Variants in TRAM2 observed in about 807,000 individuals in gnomAD.
TRAM2 encodes the protein translocating chain-associated membrane protein 2.
In TRAM2, 12 loss-of-function variants were observed where a neutral mutation model predicts 51.0. The ratio of observed to expected loss-of-function variants is 0.24; its 90% CI spans 0.15 to 0.38. The LOEUF is 0.38. TRAM2 is among the 10% of genes least tolerant of loss of function. The pLI, the probability that TRAM2 is intolerant of heterozygous loss-of-function variation, is 1.00. For synonymous variants in TRAM2, 175 were observed against 179.4 expected, an observed-to-expected ratio of 0.98 and a Z score of 0.20; for missense variants, 361 against 462.0, an observed-to-expected ratio of 0.78 and a Z score of 2.00.
chr6:52,560,367 T>C (rs1452838277), intron 1 of TRAM2, among the ~76,000 whole-genome samples: 1 of 152,234 alleles, frequency 6.6e-6, no homozygotes, highest in Non-Finnish European at 1.5e-5. Context: ...TTTCCAGGTG[T>C]TGCCTGTGCA....
intron 2 of TRAM2, among the ~76,000 whole-genome samples, chr6:52,530,674 G>A (rs1766872216): frequency 6.6e-6 from 1 of 152,178 alleles, no homozygotes; most frequent in African/African-American, 2.4e-5. Flanking sequence ...CCAGAAGCCA[G>A]GAGGGAAGCC....
At chr6:52,558,337 C>T (rs568338828) in intron 1 of TRAM2, among the ~76,000 whole-genome samples, 2 of 152,270 alleles carry the variant, frequency 1.3e-5, no homozygotes, top group Admixed American at 6.5e-5. Flanking sequence ...AGGAGTACCT[C>T]ACCACTCTGG....
chr6:52,564,154 G>A (rs1767551436), intron 1 of TRAM2, among the ~76,000 whole-genome samples: 1 of 152,128 alleles, frequency 6.6e-6, no homozygotes, highest in African/African-American at 2.4e-5. Context: ...GGTAGGTACA[G>A]AGGTGCTAGG....
chr6:52,505,469 A>G, intron 9 of TRAM2, 130 bp downstream of exon 9: 1 of 1,298,664 alleles, frequency 7.7e-7, no homozygotes, highest in Non-Finnish European at 1.1e-6. Context: ...CAGGCCTGAT[A>G]TCCAGAGATT....
rs1766194654 is a variant in TRAM2, at chr6:52,500,530, T to TTTG, written c.*2666_*2667insCAA. Reference sequence around the variant, plus strand: ...TCATGGTCTCAGGGTTTTTTTTTGTTTTTTTTTTTTTTTTTACATAAAATA... The same window carrying TTTG: ...TCATGGTCTCAGGGTTTTTTTTTGTTTTGTTTTTTTTTTTTTTTACATAAAATA... On this transcript the variant is annotated 3_prime_UTR_variant, in exon 11 of 11. Coordinates refer to ENST00000182527, the MANE Select transcript of TRAM2 (RefSeq NM_012288.4). 1 of 54,264 alleles carries TTTG rather than the reference T, an allele frequency of 1.8e-5. No individual in the cohort carries two copies. Among genetic ancestry groups the TTTG allele is most frequent in the African/African-American group, 5.7e-5 (1 of 17,664 alleles). 3.4% of individuals were successfully genotyped at this position (54,264 alleles called of 1,614,324 possible).
At chr6:52,554,250 C>T (rs1031093966) in intron 1 of TRAM2, among the ~76,000 whole-genome samples, 6 of 152,090 alleles carry the variant, frequency 3.9e-5, no homozygotes, top group South Asian at 2.1e-4. Flanking sequence ...GTGGGCCAGG[C>T]GCGGTGACTC....
chr6:52,533,807 A>G (rs190058522), intron 2 of TRAM2, among the ~76,000 whole-genome samples: 21 of 152,380 alleles, frequency 1.4e-4, no homozygotes, highest in African/African-American at 4.8e-4. Context: ...ATAAAGAGGA[A>G]AAGGCCGGGT....
At chr6:52,508,493 C>G (rs561340039) in intron 5 of TRAM2, among the ~76,000 whole-genome samples, 175 bp from the exon 6 acceptor site, 1 of 152,354 alleles carries the variant, frequency 6.6e-6, no homozygotes, top group African/African-American at 2.4e-5. Context: ...CCTGGCTTCT[C>G]CATTGGCCTG....
chr6:52,514,248 A>G (rs1448450184), intron 4 of TRAM2, among the ~76,000 whole-genome samples: 1 of 151,384 alleles, frequency 6.6e-6, no homozygotes. Flanking sequence ...ATCATAACAG[A>G]AAAATATTAT....
chr6:52,542,895 A>C (rs192012653), intron 1 of TRAM2, among the ~76,000 whole-genome samples: 124 of 152,374 alleles, frequency 8.1e-4, no homozygotes, highest in Non-Finnish European at 9.0e-4. Context: ...AAAAAAGAGA[A>C]TAAAGCTTGA....
At chr6:52,544,846 G>C (rs1318750018) in intron 1 of TRAM2, among the ~76,000 whole-genome samples, 1 of 152,146 alleles carries the variant, frequency 6.6e-6, no homozygotes, top group Non-Finnish European at 1.5e-5. Flanking sequence ...CAGATGAACA[G>C]GAGATACAAA....
intron 1 of TRAM2, among the ~76,000 whole-genome samples, chr6:52,563,394 C>T (rs1767532052): frequency 6.6e-6 from 1 of 152,044 alleles, no homozygotes; most frequent in Non-Finnish European, 1.5e-5. Context: ...TAAATAAACC[C>T]AACAAGACAA....
At chr6:52,533,803 A>T (rs923811328) in intron 2 of TRAM2, among the ~76,000 whole-genome samples, 10 of 152,250 alleles carry the variant, frequency 6.6e-5, no homozygotes, top group Non-Finnish European at 1.5e-4. Flanking sequence ...TACTATAAAG[A>T]GGAAAAGGCC....
intron 1 of TRAM2, among the ~76,000 whole-genome samples, chr6:52,575,030 A>G (rs1767740706): frequency 6.6e-6 from 1 of 152,164 alleles, no homozygotes; most frequent in South Asian, 2.1e-4. Context: ...GCCTCTTAGA[A>G]TGGAGGACAG....
chr6:52,556,256 AC>A (rs1445141406), intron 1 of TRAM2, among the ~76,000 whole-genome samples: 1 of 147,190 alleles, frequency 6.8e-6, no homozygotes, highest in Non-Finnish European at 1.5e-5. Context: ...CCGCAAACCC[AC>A]TCAATCTGTA....
chr6:52,514,198 T>C (rs1486013137), intron 4 of TRAM2, among the ~76,000 whole-genome samples: 1 of 152,212 alleles, frequency 6.6e-6, no homozygotes, highest in Non-Finnish European at 1.5e-5. Context: ...ATGAAATGAC[T>C]GTGGAGAGTG....
intron 2 of TRAM2, among the ~76,000 whole-genome samples, chr6:52,534,047 T>G (rs564258998): frequency 6.7e-6 from 1 of 148,508 alleles, no homozygotes; most frequent in Non-Finnish European, 1.5e-5. Context: ...ATCGCGCCAT[T>G]GTACTCTAGC....
chr6:52,576,499 G>A (rs1023018536), intron 1 of TRAM2, among the ~76,000 whole-genome samples: 6 of 152,224 alleles, frequency 3.9e-5, no homozygotes, highest in African/African-American at 1.4e-4. Flanking sequence ...GCAGCGCGGC[G>A]GTTGGTTCGA....
intron 1 of TRAM2, among the ~76,000 whole-genome samples, chr6:52,559,753 C>T (rs1356928554): frequency 6.6e-6 from 1 of 152,188 alleles, no homozygotes; most frequent in Non-Finnish European, 1.5e-5. Context: ...TGGGCTTACC[C>T]CATTTTTAAA....
Sources: allele counts gnomAD v4.1 joint callset (sites outside exome capture counted in the v4.1 genomes callset), GRCh38; gene constraint gnomAD v4.1.1; transcripts MANE v1.5; gene names NCBI Gene and HGNC (gene_info 2026-07-23, HGNC 2026-07-21).